The following MAP2K1 variants were observed in gnomAD, a reference collection of about 807,000 sequenced individuals.
The protein encoded by MAP2K1 is dual specificity mitogen-activated protein kinase kinase 1.
In MAP2K1, 16 loss-of-function variants were observed where a neutral mutation model predicts 46.3. That is an observed-to-expected ratio of 0.35 (90% CI 0.23 to 0.52). The LOEUF (loss-of-function observed/expected upper bound fraction) is 0.52, where lower values mean the gene tolerates loss of function less well. Ranked by LOEUF, MAP2K1 falls within the 20% of genes least tolerant of loss-of-function variation. MAP2K1 has a pLI of 0.94. For synonymous variants in MAP2K1, 183 were observed against 185.6 expected (o/e 0.99, Z 0.11); for missense variants, 263 against 497.1 (o/e 0.53, Z 4.48).
Position 66,489,772 on chromosome 15 carries a change from A to AAG in MAP2K1, c.1068+9_1068+10insAG. 2 of 1,601,326 alleles carry AAG rather than the reference A, an allele frequency of 1.2e-6. No individual in the cohort carries two copies. Among genetic ancestry groups the AAG allele is most frequent in the East Asian group, 4.5e-5 (2 of 44,886 alleles). The stretch of plus-strand genomic sequence containing the variant: ...ATTTGAAGCAACTCATGGTGAGTCT[A>AAG]TTTATTCCGGATTCTTACAGTACCT... On this transcript the variant is annotated intron_variant, in intron 10 of 10. Transcript: ENST00000307102.
Position 66,489,254 on chromosome 15 carries a change from T to G in MAP2K1, c.1000T>G (p.Phe334Val), listed in dbSNP as rs751840710. The change falls in exon 9 of 11, where the codon TTT becomes GTT. Residue 334 changes from phenylalanine (F) to valine (V), a missense_variant. By Grantham distance (50) the Phe-to-Val change is conservative. Transcript: ENST00000307102. ...KLPSGVFSLE[F>V]QDFVNKCLIK... ...GCCCAGTGGAGTGTTCAGTCTGGAA[T>G]TTCAAGATTTTGTGAATAAATGGTA... 2.5e-6 allele frequency: 4 copies of G among 1,614,016 alleles called. No individual in the cohort carries two copies. The African/African-American group carries it at 5.3e-5, about 22-fold the overall frequency.
intron 1 of MAP2K1, among the ~76,000 whole-genome samples, chr15:66,428,598 C>CA (rs1468862000): frequency 1.3e-5 from 2 of 151,762 alleles, no homozygotes; most frequent in Non-Finnish European, 1.5e-5. Context: ...TAATCTCATC[C>CA]AAAAAACCCC....
intron 5 of MAP2K1, among the ~76,000 whole-genome samples, chr15:66,475,124 G>A (rs1892726485): frequency 6.6e-6 from 1 of 151,922 alleles, no homozygotes; most frequent in South Asian, 2.1e-4. Context: ...GAAGAGTTGG[G>A]GATTTTCTCA....
chr15:66,470,094 G>GTT (rs55637393), intron 5 of MAP2K1, among the ~76,000 whole-genome samples: 913 of 76,546 alleles, frequency 0.012, 25 homozygotes, highest in South Asian at 0.02. Context: ...TTTTTTTCTT[G>GTT]TTTTTTTTTT....
At position 66,479,758 on chromosome 15, in the gene MAP2K1, G is replaced by A. The variant is rs116917702; in HGVS notation, c.569-1997G>A. 6.8e-4 allele frequency among the ~76,000 whole-genome samples: 104 copies of A among 152,308 alleles called. No homozygotes were observed. In the East Asian group the frequency reaches 0.018, roughly 27 times the overall value. ...TAGAGTGGTGAGGCAGACAGCCAAC[G>A]TCCTGCCCTCCTGCAGCTGATTGGG... On this transcript the variant is annotated intron_variant, in intron 5 of 10. Coordinates refer to ENST00000307102, the MANE Select transcript of MAP2K1 (RefSeq NM_002755.4).
At chr15:66,466,719 A>G (rs1271459120) in intron 5 of MAP2K1, among the ~76,000 whole-genome samples, 1 of 152,184 alleles carries the variant, frequency 6.6e-6, no homozygotes, top group Non-Finnish European at 1.5e-5. Flanking sequence ...CAATAGCTCA[A>G]AAGAAAAGTT....
rs11630386 is a variant in MAP2K1, at chr15:66,461,517, A to T, written c.568+16810A>T. The stretch of plus-strand genomic sequence containing the variant: ...ATAAATAAATAAATAAATAAATAAT[A>T]AAATAATAATAGAGTCTAGTGATAT... On this transcript the variant is annotated intron_variant, in intron 5 of 10. Coordinates refer to ENST00000307102, the MANE Select transcript of MAP2K1 (RefSeq NM_002755.4). Among the ~76,000 whole-genome samples the T allele has an allele frequency of 7.1e-3, 976 of 136,742 alleles. 6 individuals carry two copies. Among genetic ancestry groups the T allele is most frequent in the Non-Finnish European group, 0.011 (670 of 60,814 alleles). 89.7% of individuals were successfully genotyped at this position (136,742 alleles called of 152,430 possible). A position where few individuals can be genotyped will look rare whatever the true frequency, so the allele number is the denominator to read the frequency against.
chr15:66,463,567 C>G (rs571892560), intron 5 of MAP2K1, among the ~76,000 whole-genome samples: 1 of 152,344 alleles, frequency 6.6e-6, no homozygotes, highest in Middle Eastern at 3.4e-3. Flanking sequence ...ACTTCAACCT[C>G]CACCTCCTGG....
At chr15:66,444,435 A>G (rs1891807570) in intron 4 of MAP2K1, among the ~76,000 whole-genome samples, 1 of 151,996 alleles carries the variant, frequency 6.6e-6, no homozygotes, top group Non-Finnish European at 1.5e-5. Flanking sequence ...CAGGGGGCTG[A>G]GGCAGGAGAA....
At chr15:66,408,903 A>G (rs1566998705) in intron 1 of MAP2K1, among the ~76,000 whole-genome samples, 1 of 152,172 alleles carries the variant, frequency 6.6e-6, no homozygotes, top group Admixed American at 6.5e-5. Flanking sequence ...CTCTGTACAT[A>G]TTCCATCACA....
intron 5 of MAP2K1, among the ~76,000 whole-genome samples, chr15:66,472,303 C>CAA (rs60289963): frequency 1.9e-3 from 265 of 136,776 alleles, no homozygotes; most frequent in South Asian, 2.7e-3. Context: ...GACTTCGTCT[C>CAA]AAAAAAAAAA....
chr15:66,475,787 C>T (rs914994329), intron 5 of MAP2K1, among the ~76,000 whole-genome samples: 1 of 152,164 alleles, frequency 6.6e-6, no homozygotes, highest in African/African-American at 2.4e-5. Context: ...TGCCCTTACA[C>T]GTGCACATGT....
At chr15:66,486,359 C>T (rs1893038031) in intron 7 of MAP2K1, among the ~76,000 whole-genome samples, 1 of 152,118 alleles carries the variant, frequency 6.6e-6, no homozygotes, top group Non-Finnish European at 1.5e-5. Context: ...ATTTTCATTA[C>T]CCCAGCAAGA....
Position 66,428,889 on chromosome 15 carries a change from C to T in MAP2K1, c.81-6138C>T, listed in dbSNP as rs113099046. On this transcript the variant is annotated intron_variant, in intron 1 of 10. Coordinates refer to ENST00000307102, the MANE Select transcript of MAP2K1 (RefSeq NM_002755.4). ...CCGCCTCCCAGGCTCTGGTAATTCT[C>T]TCACCTCAGCCTCCTGAGTAGCTGT... Among the ~76,000 whole-genome samples, 1,274 of 144,312 alleles carry T rather than the reference C, an allele frequency of 8.8e-3. 26 individuals carry two copies. The highest frequency in any genetic ancestry group is 0.031 in the African/African-American group (1,211 of 38,928). 94.7% of individuals were successfully genotyped at this position (144,312 alleles called of 152,430 possible).
chr15:66,422,184 GATTTC>G lies in MAP2K1; in HGVS notation c.81-12838_81-12834del, dbSNP rs564642389. On this transcript the variant is annotated intron_variant, in intron 1 of 10. Transcript: ENST00000307102. ...CACCTTCTACCCTGCCACAGCAACTGATTTCATTTATCTATGTTTCTTTGCAGTGC... is the reference window on the plus strand; with the variant it reads ...CACCTTCTACCCTGCCACAGCAACTGATTTATCTATGTTTCTTTGCAGTGC... Among the ~76,000 whole-genome samples the G allele has an allele frequency of 1.2e-4, 19 of 152,276 alleles. No individual in the cohort carries two copies. The South Asian group carries it at 3.5e-3, about 28-fold the overall frequency.
chr15:66,420,721 A>ATATATATATATGTGTG lies in MAP2K1; in HGVS notation c.81-14305_81-14304insATATATATATGTGTGT, dbSNP rs1461381065. Among the ~76,000 whole-genome samples, 8 of 29,684 alleles carry ATATATATATATGTGTG rather than the reference A, an allele frequency of 2.7e-4. 2 individuals are homozygous for ATATATATATATGTGTG. Among genetic ancestry groups the ATATATATATATGTGTG allele is most frequent in the African/African-American group, 9.4e-4 (8 of 8,500 alleles). The allele number at this position is 29,684 out of a possible 152,430, so 19.5% of individuals were successfully genotyped here. A position where few individuals can be genotyped will look rare whatever the true frequency, so the allele number is the denominator to read the frequency against. ...TTACTCTTGGCATATATATATATAT[A>ATATATATATATGTGTG]TGTGTGTGTGTGTGTGTGTGTGTGT... On this transcript the variant is annotated intron_variant, in intron 1 of 10. Coordinates refer to ENST00000307102, the MANE Select transcript of MAP2K1 (RefSeq NM_002755.4).
In MAP2K1 at chr15:66,471,879, C is replaced by T. The variant is rs139017085; in HGVS notation, c.569-9876C>T. On this transcript the variant is annotated intron_variant, in intron 5 of 10. Coordinates refer to ENST00000307102, the MANE Select transcript of MAP2K1 (RefSeq NM_002755.4). The stretch of plus-strand genomic sequence containing the variant: ...AGTTCGTGAGGTCAAGAGATTGAGA[C>T]CAGCCTGGCCAACATGGTGAAACCC... 8.5e-4 allele frequency among the ~76,000 whole-genome samples: 130 copies of T among 152,174 alleles called. 1 individual carries two copies. In the East Asian group the frequency reaches 0.022, roughly 26 times the overall value.
intron 1 of MAP2K1, among the ~76,000 whole-genome samples, chr15:66,420,152 G>A (rs920620829): frequency 2.0e-5 from 3 of 152,152 alleles, no homozygotes; most frequent in Non-Finnish European, 2.9e-5. Context: ...GCTGAGGAAT[G>A]AGAATCACTT....
At chr15:66,461,512 ATAAT>A (rs1186157088) in intron 5 of MAP2K1, among the ~76,000 whole-genome samples, 1 of 144,676 alleles carries the variant, frequency 6.9e-6, no homozygotes. Flanking sequence ...AAATAAATAA[ATAAT>A]AAAATAATAA....
Sources: allele counts gnomAD v4.1 joint callset (sites outside exome capture counted in the v4.1 genomes callset), GRCh38; gene constraint gnomAD v4.1.1; transcripts MANE v1.5; gene names NCBI Gene and HGNC (gene_info 2026-07-23, HGNC 2026-07-21).